Variants in RTRAF observed in about 807,000 individuals in gnomAD.
RTRAF encodes the protein RNA transcription, translation and transport factor, also known as tRNA-splicing ligase complex subunit RTRAF.
A neutral mutation model predicts 34.4 loss-of-function variants in RTRAF; 14 were observed. The ratio of observed to expected loss-of-function variants is 0.41; its 90% CI spans 0.27 to 0.64. The LOEUF (loss-of-function observed/expected upper bound fraction) is 0.64, where lower values mean the gene tolerates loss of function less well. Ranked by LOEUF, RTRAF falls within the 30% of genes least tolerant of loss-of-function variation. The pLI is 0.34. For missense variants in RTRAF, 291 were observed against 288.4 expected, an observed-to-expected ratio of 1.01 and a Z score of -0.06; for synonymous variants, 96 against 95.3, an observed-to-expected ratio of 1.01 and a Z score of -0.04.
chr14:52,002,997 A>ATTCAT (rs1420089732), intron 6 of RTRAF, among the ~76,000 whole-genome samples: 2 of 152,194 alleles, frequency 1.3e-5, no homozygotes, highest in African/African-American at 4.8e-5. Context: ...AATAAAGTCA[A>ATTCAT]TCATTCATTC....
Position 52,001,857 on chromosome 14 carries a change from A to G in RTRAF, c.522A>G (p.Gln174=), listed in dbSNP as rs139420074. 3.5e-5 allele frequency: 56 copies of G among 1,609,266 alleles called. No homozygotes were observed. The highest frequency in any genetic ancestry group is 3.1e-4 in the African/African-American group (23 of 74,510). The change falls in exon 6 of 8, where the codon CAA becomes CAG. Residue 174 remains glutamine (Q), a synonymous_variant. Transcript: ENST00000261700. ...AGGATGCAGTTGCTAAGGCAAATCA[A>G]ACAAAAGAGGTACGTTTCTATAAAT... ...LTQDAVAKAN[Q]TKEGLPVALD... is the part of the protein sequence containing the mutation.
Position 52,005,177 on chromosome 14 carries a change from A to AGTT in RTRAF, c.*663_*665dup, listed in dbSNP as rs1159011419. The AGTT allele has an allele frequency of 4.0e-6, 1 of 250,562 alleles. No homozygotes were observed. Among genetic ancestry groups the AGTT allele is most frequent in the Non-Finnish European group, 7.6e-6 (1 of 132,272 alleles). The allele number at this position is 250,562 out of a possible 1,614,324, so 15.5% of individuals were successfully genotyped here. ...TTTAGAGTCTTAAACTCTAATTCTT[A>AGTT]GTTGAATGAATTTGATCTTTTAAAT... On this transcript the variant is annotated 3_prime_UTR_variant, in exon 8 of 8. Transcript: ENST00000261700.
At position 52,008,099 on chromosome 14, in the gene RTRAF, A is replaced by G. The variant is rs1387378804; in HGVS notation, c.*3583A>G. ...AGCAATCCCCTTGAGTTTGGGCTGC[A>G]TTAGTAGTGTCTTGCTTCTTCTAGT... is the stretch of plus-strand genomic sequence containing the variant. On this transcript the variant is annotated 3_prime_UTR_variant, in exon 8 of 8. Coordinates refer to ENST00000261700, the MANE Select transcript of RTRAF (RefSeq NM_016039.3). 1 of 657,036 alleles carries G rather than the reference A, an allele frequency of 1.5e-6. No individual in the cohort carries two copies. The highest frequency in any genetic ancestry group is 2.5e-6 in the Non-Finnish European group (1 of 394,388). 40.7% of individuals were successfully genotyped at this position (657,036 alleles called of 1,614,324 possible). A position where few individuals can be genotyped will look rare whatever the true frequency, so the allele number is the denominator to read the frequency against.
In RTRAF at chr14:52,004,241, A is replaced by C; in HGVS notation, c.579A>C (p.Gly193=). 6.2e-7 allele frequency: 1 copy of C among 1,613,358 alleles called. No homozygotes were observed. Among genetic ancestry groups the C allele is most frequent in the Non-Finnish European group, 8.5e-7 (1 of 1,179,564 alleles). ...LDKHILGFDT[G]DAVLNEAAQI... ...AACATATTCTTGGTTTTGACACAGGAGGTAAGTGATTTTGTTTAAATTCAA... is the reference window on the plus strand; with the variant it reads ...AACATATTCTTGGTTTTGACACAGGCGGTAAGTGATTTTGTTTAAATTCAA... Residue 193 remains glycine (G), a splice_region_variant and synonymous_variant, in exon 7 of 8, where the codon GGA becomes GGC. Transcript: ENST00000261700.
Position 52,004,589 on chromosome 14 carries a change from C to T in RTRAF, c.*73C>T. ...ATACACTTCTGGCATGTTTGGAAATCAAAATGTCACATTCTCGGGGGAGGA... is the reference window on the plus strand; with the variant it reads ...ATACACTTCTGGCATGTTTGGAAATTAAAATGTCACATTCTCGGGGGAGGA... On this transcript the variant is annotated 3_prime_UTR_variant, in exon 8 of 8. Coordinates refer to ENST00000261700, the MANE Select transcript of RTRAF (RefSeq NM_016039.3). 1 of 1,402,980 alleles carries T rather than the reference C, an allele frequency of 7.1e-7. No homozygotes were observed. The allele number at this position is 1,402,980 out of a possible 1,614,324, so 86.9% of individuals were successfully genotyped here. A position where few individuals can be genotyped will look rare whatever the true frequency, so the allele number is the denominator to read the frequency against.
chr14:51,997,589 G>A lies in RTRAF; in HGVS notation c.287-905G>A, dbSNP rs527435150. On this transcript the variant is annotated intron_variant, in intron 3 of 7. Transcript: ENST00000261700. Reference sequence around the variant, plus strand: ...ATTAAGTTTAGTGAATTATTAATAAGTGTTTTTATTTTTGAATTCCTTTGA... The same window carrying A: ...ATTAAGTTTAGTGAATTATTAATAAATGTTTTTATTTTTGAATTCCTTTGA... Among the ~76,000 whole-genome samples, 149 of 151,862 alleles carry A rather than the reference G, an allele frequency of 9.8e-4. 2 individuals are homozygous for A. Among genetic ancestry groups the A allele is most frequent in the Admixed American group, 1.2e-3 (18 of 15,254 alleles).
intron 6 of RTRAF, among the ~76,000 whole-genome samples, chr14:52,002,333 G>C (rs937684383): frequency 3.3e-5 from 5 of 152,182 alleles, no homozygotes; most frequent in African/African-American, 1.2e-4. Context: ...AAAGTAATTT[G>C]GCTAAGGTCA....
At chr14:51,993,055 G>A (rs1890458970) in intron 2 of RTRAF, among the ~76,000 whole-genome samples, 1 of 152,104 alleles carries the variant, frequency 6.6e-6, no homozygotes, top group Non-Finnish European at 1.5e-5. Flanking sequence ...GTATGTATGT[G>A]TGTGTATATA....
chr14:52,004,957 T>TTTTGATATAAATA lies in RTRAF; in HGVS notation c.*442_*454dup, dbSNP rs1297372112. On this transcript the variant is annotated 3_prime_UTR_variant, in exon 8 of 8. Transcript: ENST00000261700. ...ATGCAAATTGAATCATTTTAGCACC[T>TTTTGATATAAATA]TTTGATATAAATAGAAATGCACTGA... 1.9e-5 allele frequency: 3 copies of TTTTGATATAAATA among 157,782 alleles called. No individual in the cohort carries two copies. Among genetic ancestry groups the TTTTGATATAAATA allele is most frequent in the Admixed American group, 6.4e-5 (1 of 15,522 alleles). The allele number at this position is 157,782 out of a possible 1,614,324, so 9.8% of individuals were successfully genotyped here. A position where few individuals can be genotyped will look rare whatever the true frequency, so the allele number is the denominator to read the frequency against.
intron 6 of RTRAF, among the ~76,000 whole-genome samples, chr14:52,003,512 G>A (rs1890641881): frequency 6.6e-6 from 1 of 152,130 alleles, no homozygotes; most frequent in South Asian, 2.1e-4. Context: ...TACGGGTAGT[G>A]TGTTTTTCTT....
At chr14:52,002,708 G>C (rs1890619281) in intron 6 of RTRAF, among the ~76,000 whole-genome samples, 1 of 152,182 alleles carries the variant, frequency 6.6e-6, no homozygotes, top group Admixed American at 6.5e-5. Context: ...CCTGCCTCCT[G>C]CAGCAATGAT....
intron 3 of RTRAF, among the ~76,000 whole-genome samples, chr14:51,996,806 C>G (rs1012963397): frequency 6.6e-5 from 10 of 151,940 alleles, no homozygotes; most frequent in African/African-American, 2.2e-4. Context: ...CCACTTCTCT[C>G]GAAAGAAAAA....
intron 1 of RTRAF, among the ~76,000 whole-genome samples, chr14:51,991,107 G>C (rs1235615327): frequency 6.6e-6 from 1 of 152,160 alleles, no homozygotes; most frequent in Non-Finnish European, 1.5e-5. Context: ...CACACAACCA[G>C]TAAGTATCTG....
At chr14:51,996,294 A>C (rs1444370141) in intron 3 of RTRAF, among the ~76,000 whole-genome samples, 1 of 152,166 alleles carries the variant, frequency 6.6e-6, no homozygotes, top group Non-Finnish European at 1.5e-5. Context: ...AACAGACTTG[A>C]AAATTGGTCA....
rs1381001128 is a variant in RTRAF, at chr14:52,007,886, C to G, written c.*3370C>G. ...TGGGCAATCCAATGTCTGTATTGAT[C>G]AGAATTCTTCTGTTTTCTCCATCTA... is the stretch of plus-strand genomic sequence containing the variant. On this transcript the variant is annotated 3_prime_UTR_variant, in exon 8 of 8. Coordinates refer to ENST00000261700, the MANE Select transcript of RTRAF (RefSeq NM_016039.3). The G allele has an allele frequency of 1.2e-5, 20 of 1,613,884 alleles. No homozygotes were observed. Among genetic ancestry groups the G allele is most frequent in the Non-Finnish European group, 1.7e-5 (20 of 1,179,804 alleles).
chr14:52,002,999 C>T (rs1341444664), intron 6 of RTRAF, among the ~76,000 whole-genome samples: 2 of 152,056 alleles, frequency 1.3e-5, no homozygotes, highest in African/African-American at 4.8e-5. Flanking sequence ...TAAAGTCAAT[C>T]ATTCATTCAT....
chr14:51,992,916 G>C (rs2140326957), intron 2 of RTRAF, among the ~76,000 whole-genome samples: 1 of 152,240 alleles, frequency 6.6e-6, no homozygotes, highest in Non-Finnish European at 1.5e-5. Context: ...TGTAATCTCA[G>C]CTGCCCAGGG....
intron 6 of RTRAF, chr14:52,003,992 T>A: frequency 1.7e-6 from 1 of 582,780 alleles, no homozygotes; most frequent in South Asian, 2.2e-5. Flanking sequence ...AAGGTTAACT[T>A]TTCCCCCTAA....
intron 4 of RTRAF, 86 bp from the exon 5 acceptor site, chr14:51,999,622 A>G (rs1288923170): frequency 1.0e-5 from 10 of 958,722 alleles, no homozygotes; most frequent in Non-Finnish European, 4.7e-6. Context: ...CCGAAAAGTT[A>G]AAAATGTTTT....
Sources: allele counts gnomAD v4.1 joint callset (sites outside exome capture counted in the v4.1 genomes callset), GRCh38; gene constraint gnomAD v4.1.1; transcripts MANE v1.5; gene names NCBI Gene and HGNC (gene_info 2026-07-23, HGNC 2026-07-21).